CMC1: variants seen among roughly 807,000 people sequenced by gnomAD.
The protein encoded by CMC1 is COX assembly mitochondrial protein homolog.
In CMC1, 14 loss-of-function variants were observed where a neutral mutation model predicts 14.1. That is an observed-to-expected ratio of 0.99 (90% CI 0.66 to 1.55). The LOEUF (loss-of-function observed/expected upper bound fraction) is 1.55, where lower values mean the gene tolerates loss of function less well. CMC1 is among the 40% of genes most tolerant of loss of function. CMC1 has a pLI of 0.00. For missense variants in CMC1, 127 were observed against 123.8 expected (o/e 1.03, Z -0.12); for synonymous variants, 50 against 38.4 (o/e 1.30, Z -1.12).
At chr3:28,244,117 C>T (rs1490423140) in intron 1 of CMC1, among the ~76,000 whole-genome samples, 1 of 152,172 alleles carries the variant, frequency 6.6e-6, no homozygotes, top group Non-Finnish European at 1.5e-5. Flanking sequence ...GCAGAGGCTG[C>T]AAGTCCTCAA....
At chr3:28,261,134 T>C (rs1399294583) in intron 1 of CMC1, among the ~76,000 whole-genome samples, 2 of 152,244 alleles carry the variant, frequency 1.3e-5, no homozygotes, top group African/African-American at 2.4e-5. Flanking sequence ...TATATGTTTT[T>C]GTAATATGAC....
intron 2 of CMC1, among the ~76,000 whole-genome samples, chr3:28,307,004 C>T (rs1702352116): frequency 6.6e-6 from 1 of 152,100 alleles, no homozygotes; most frequent in African/African-American, 2.4e-5. Context: ...TTAAGATGGC[C>T]ATCTTTTTGG....
chr3:28,306,624 T>C (rs952688300), intron 2 of CMC1, among the ~76,000 whole-genome samples: 8 of 152,110 alleles, frequency 5.3e-5, no homozygotes, highest in African/African-American at 1.9e-4. Flanking sequence ...GGTGAACTAC[T>C]TACATCTTTA....
At chr3:28,312,202 A>ATTCTC (rs1702671125) in intron 2 of CMC1, among the ~76,000 whole-genome samples, 1 of 152,194 alleles carries the variant, frequency 6.6e-6, no homozygotes, top group Non-Finnish European at 1.5e-5. Flanking sequence ...TGCTAGGAGA[A>ATTCTC]AATAGGCATT....
At chr3:28,277,038 G>T (rs1470802416) in intron 2 of CMC1, among the ~76,000 whole-genome samples, 9 of 152,202 alleles carry the variant, frequency 5.9e-5, no homozygotes, top group African/African-American at 1.7e-4. Flanking sequence ...GACAGTTGCA[G>T]CCTAGTATGT....
chr3:28,309,439 C>T (rs534212044), intron 2 of CMC1, among the ~76,000 whole-genome samples: 1 of 152,066 alleles, frequency 6.6e-6, no homozygotes, highest in African/African-American at 2.4e-5. Context: ...CCTGGGCCAT[C>T]ATGCACCCAG....
chr3:28,253,515 A>T (rs1699240089), intron 1 of CMC1, among the ~76,000 whole-genome samples: 1 of 152,110 alleles, frequency 6.6e-6, no homozygotes, highest in Non-Finnish European at 1.5e-5. Flanking sequence ...TGGGAGGTAG[A>T]AGCTGCAGTG....
chr3:28,284,665 A>G (rs141589223), intron 2 of CMC1, among the ~76,000 whole-genome samples: 57 of 152,128 alleles, frequency 3.7e-4, no homozygotes, highest in African/African-American at 1.3e-3. Flanking sequence ...AAGTTACATA[A>G]TTTATTATCT....
At position 28,319,673 on chromosome 3, in the gene CMC1, G is replaced by C; in HGVS notation, c.*44G>C. 1 of 1,539,666 alleles carries C rather than the reference G, an allele frequency of 6.5e-7. No individual in the cohort carries two copies. The highest frequency in any genetic ancestry group is 8.8e-7 in the Non-Finnish European group (1 of 1,139,810). Reference sequence around the variant, plus strand: ...TTCAGGAACTCTAATATTCATGGAAGTCATTTTATAGTCCTTAAATAATGG... The same window carrying C: ...TTCAGGAACTCTAATATTCATGGAACTCATTTTATAGTCCTTAAATAATGG... On this transcript the variant is annotated 3_prime_UTR_variant, in exon 4 of 4. Transcript: ENST00000466830.
In CMC1 at chr3:28,249,837, G is replaced by A. The variant is rs115846525; in HGVS notation, c.19+8025G>A. 6.6e-3 allele frequency among the ~76,000 whole-genome samples: 1,011 copies of A among 152,274 alleles called. 10 individuals carry two copies. The highest frequency in any genetic ancestry group is 0.022 in the African/African-American group (920 of 41,554). On this transcript the variant is annotated intron_variant, in intron 1 of 3. Transcript: ENST00000466830. The stretch of plus-strand genomic sequence containing the variant: ...TTTTTTTTACTATTCTGGAGGCTAG[G>A]AAGTTCAAGACCAAGATTCAAGGAG...
intron 1 of CMC1, among the ~76,000 whole-genome samples, chr3:28,248,252 C>T (rs970609014): frequency 1.3e-5 from 2 of 151,944 alleles, no homozygotes; most frequent in East Asian, 1.9e-4. Flanking sequence ...CATATGAATC[C>T]ACCTCTTTAA....
At chr3:28,254,164 G>T (rs1012982313) in intron 1 of CMC1, among the ~76,000 whole-genome samples, 1 of 152,136 alleles carries the variant, frequency 6.6e-6, no homozygotes, top group African/African-American at 2.4e-5. Context: ...TGACTATACA[G>T]TAGCAAACTT....
chr3:28,245,926 G>A (rs985612475), intron 1 of CMC1, among the ~76,000 whole-genome samples: 1 of 152,108 alleles, frequency 6.6e-6, no homozygotes, highest in Non-Finnish European at 1.5e-5. Flanking sequence ...TATGTAAAAG[G>A]TTGTGGAGTT....
chr3:28,259,085 CT>C (rs1351711643), intron 1 of CMC1, among the ~76,000 whole-genome samples: 5 of 151,794 alleles, frequency 3.3e-5, no homozygotes, highest in African/African-American at 1.2e-4. Flanking sequence ...GTTGTTTTGG[CT>C]ATTCTATGTC....
At chr3:28,248,309 G>T (rs1698931687) in intron 1 of CMC1, among the ~76,000 whole-genome samples, 1 of 152,164 alleles carries the variant, frequency 6.6e-6, no homozygotes, top group Non-Finnish European at 1.5e-5. Flanking sequence ...ATTTCACCTA[G>T]ATTATAGAAG....
At chr3:28,254,510 A>G (rs1576982243) in intron 1 of CMC1, among the ~76,000 whole-genome samples, 1 of 152,188 alleles carries the variant, frequency 6.6e-6, no homozygotes, top group South Asian at 2.1e-4. Context: ...AAGAAGGATC[A>G]GATGTCTTGA....
intron 2 of CMC1, among the ~76,000 whole-genome samples, chr3:28,304,239 C>A (rs1408033440): frequency 6.6e-6 from 1 of 151,882 alleles, no homozygotes; most frequent in Non-Finnish European, 1.5e-5. Context: ...AAAATAATAT[C>A]TTTTTAACAT....
chr3:28,288,476 G>A (rs1454956308), intron 2 of CMC1, among the ~76,000 whole-genome samples: 3 of 151,712 alleles, frequency 2.0e-5, no homozygotes, highest in Admixed American at 6.6e-5. Context: ...TCTCATTACC[G>A]TAAATGTAAC....
chr3:28,245,512 A>G (rs1698777630), intron 1 of CMC1, among the ~76,000 whole-genome samples: 1 of 152,044 alleles, frequency 6.6e-6, no homozygotes, highest in Non-Finnish European at 1.5e-5. Flanking sequence ...TTCATTCTCT[A>G]CTTATGCAGA....
Sources: allele counts gnomAD v4.1 joint callset (sites outside exome capture counted in the v4.1 genomes callset), GRCh38; gene constraint gnomAD v4.1.1; transcripts MANE v1.5; gene names NCBI Gene and HGNC (gene_info 2026-07-23, HGNC 2026-07-21).